MALT1: variants seen among roughly 807,000 people sequenced by gnomAD.
MALT1 encodes mucosa-associated lymphoid tissue lymphoma translocation protein 1.
A neutral mutation model predicts 85.5 loss-of-function variants in MALT1; 36 were observed. That is an observed-to-expected ratio of 0.42 (90% CI 0.32 to 0.56). MALT1 has a LOEUF of 0.56. Among genes scored for constraint, MALT1 ranks in the 20% least tolerant of loss-of-function variants. The probability of loss-of-function intolerance (pLI) is 0.10; values close to 1 mark genes in which losing one functional copy is unlikely to be tolerated. For missense variants in MALT1, 716 were observed against 981.6 expected (o/e 0.73, Z 3.62); for synonymous variants, 359 against 361.3 (o/e 0.99, Z 0.07).
At chr18:58,704,414 T>G (rs1484813353) in intron 4 of MALT1, among the ~76,000 whole-genome samples, 3 of 152,214 alleles carry the variant, frequency 2.0e-5, no homozygotes, top group Non-Finnish European at 2.9e-5. Context: ...CCTCTTTGTC[T>G]TGAAGTTTAC....
At chr18:58,678,684 A>C (rs2054276296) in intron 1 of MALT1, among the ~76,000 whole-genome samples, 1 of 152,232 alleles carries the variant, frequency 6.6e-6, no homozygotes, top group South Asian at 2.1e-4. Flanking sequence ...ATGATCTAAG[A>C]CTGGTTTTTG....
chr18:58,727,936 A>G (rs1037901349), intron 10 of MALT1, among the ~76,000 whole-genome samples: 13 of 152,162 alleles, frequency 8.5e-5, no homozygotes, highest in Non-Finnish European at 1.3e-4. Flanking sequence ...GTGTGAGGCA[A>G]TGTAACTAGT....
At chr18:58,746,859 C>T (rs1008312216) in intron 16 of MALT1, among the ~76,000 whole-genome samples, 1 of 152,022 alleles carries the variant, frequency 6.6e-6, no homozygotes, top group Non-Finnish European at 1.5e-5. Context: ...TCCCGAGTAG[C>T]CAGGACTACA....
rs565561756 is a variant in MALT1 at position 58,726,402 on chromosome 18, A to G, written c.1222+3151A>G. On this transcript the variant is annotated intron_variant, in intron 10 of 16. Transcript: ENST00000649217. ...AAACCTTTAGTTTTTCTTTTGGACT[A>G]TGCCTTTACCGCTAGTTGATATTAC... Among the ~76,000 whole-genome samples the G allele has an allele frequency of 4.7e-4, 72 of 152,262 alleles. No individual in the cohort carries two copies. In the South Asian group the frequency reaches 5.6e-3, roughly 12 times the overall value.
At chr18:58,679,057 G>GT (rs773866624) in intron 1 of MALT1, among the ~76,000 whole-genome samples, 10 of 152,250 alleles carry the variant, frequency 6.6e-5, no homozygotes, top group South Asian at 2.1e-4. Context: ...TGATTGCTCG[G>GT]TTTTTTCTTG....
chr18:58,705,322 G>GTGTGTGTA (rs1555685559), intron 4 of MALT1, among the ~76,000 whole-genome samples: 6,285 of 148,016 alleles, frequency 0.042, 443 homozygotes, highest in African/African-American at 0.15. Flanking sequence ...GTGTGTGTGT[G>GTGTGTGTA]TATTTATTTT....
intron 10 of MALT1, among the ~76,000 whole-genome samples, chr18:58,726,629 A>T (rs1425477874): frequency 6.6e-6 from 1 of 152,254 alleles, no homozygotes; most frequent in African/African-American, 2.4e-5. Flanking sequence ...AACATAAAAA[A>T]CAGAAACCAA....
intron 10 of MALT1, among the ~76,000 whole-genome samples, chr18:58,727,275 GGGTTTTTTTTTTGGTTTT>G (rs1451999768): frequency 4.2e-3 from 77 of 18,284 alleles, no homozygotes; most frequent in Non-Finnish European, 5.4e-3. Flanking sequence ...AAGGTTTTTT[GGGTTTTTTTTTTGGTTTT>G]GGGTTTTTGT....
At chr18:58,744,231 A>G in intron 14 of MALT1, 107 bp from the exon 15 acceptor site, 1 of 682,386 alleles carries the variant, frequency 1.5e-6, no homozygotes, top group Non-Finnish European at 2.4e-6. Context: ...TAAACAATGT[A>G]AATCATGTTT....
At chr18:58,692,707 G>A (rs989089455) in intron 2 of MALT1, among the ~76,000 whole-genome samples, 3 of 152,286 alleles carry the variant, frequency 2.0e-5, no homozygotes, top group Middle Eastern at 6.8e-3. Flanking sequence ...AGCTAGAATT[G>A]ATTTTACTTA....
intron 4 of MALT1, among the ~76,000 whole-genome samples, chr18:58,708,627 G>C (rs1187945513): frequency 1.3e-5 from 2 of 152,206 alleles, no homozygotes; most frequent in Admixed American, 6.5e-5. Flanking sequence ...CCCCGGTAAG[G>C]TGTCCATGTG....
intron 2 of MALT1, among the ~76,000 whole-genome samples, chr18:58,694,217 T>C (rs2054554753): frequency 6.6e-6 from 1 of 152,218 alleles, no homozygotes; most frequent in South Asian, 2.1e-4. Flanking sequence ...TTACTAAAGA[T>C]TTTCTAGGGC....
intron 11 of MALT1, 174 bp downstream of exon 11, chr18:58,733,748 T>G: frequency 1.4e-6 from 1 of 740,666 alleles, no homozygotes; most frequent in Non-Finnish European, 2.1e-6. Context: ...TATCTAATTA[T>G]TTTAACTCTT....
chr18:58,699,922 A>T (rs2054647489), intron 3 of MALT1, among the ~76,000 whole-genome samples: 1 of 152,172 alleles, frequency 6.6e-6, no homozygotes, highest in African/African-American at 2.4e-5. Flanking sequence ...AGGAGATTGG[A>T]TATTGTTTGG....
intron 12 of MALT1, 33 bp from the exon 13 acceptor site, chr18:58,735,169 G>T (rs1195423900): frequency 6.3e-7 from 1 of 1,585,020 alleles, no homozygotes; most frequent in African/African-American, 1.4e-5. Context: ...TTGCCTTTCT[G>T]TGCCTGGCTT....
At chr18:58,741,317 T>C (rs1382184058) in intron 13 of MALT1, 1 of 152,196 alleles carries the variant, frequency 6.6e-6, no homozygotes, top group Non-Finnish European at 1.5e-5. Flanking sequence ...AAAAAAATTG[T>C]ATTTATATCT....
chr18:58,735,055 C>T (rs1301002357), intron 12 of MALT1, 147 bp from the exon 13 acceptor site: 25 of 501,482 alleles, frequency 5.0e-5, no homozygotes, highest in Non-Finnish European at 3.5e-5. Context: ...ACAGTCCCCA[C>T]GCTGTCCCCA....
rs541522730 is a variant in MALT1 at position 58,697,819 on chromosome 18, AG to A, written c.498+1333del. Among the ~76,000 whole-genome samples, 472 of 152,302 alleles carry A rather than the reference AG, an allele frequency of 3.1e-3. 4 individuals are homozygous for A. Among genetic ancestry groups the A allele is most frequent in the Non-Finnish European group, 5.5e-3 (371 of 68,014 alleles). On this transcript the variant is annotated intron_variant, in intron 3 of 16. Transcript: ENST00000649217. Reference sequence around the variant, plus strand: ...ATGTTTACTTAACAAGTGCTTGTTGAGCACCTGTTTTGTGCCGGGCCATGTT... The same window carrying A: ...ATGTTTACTTAACAAGTGCTTGTTGACACCTGTTTTGTGCCGGGCCATGTT...
chr18:58,682,080 G>A (rs1028108700), intron 2 of MALT1, among the ~76,000 whole-genome samples: 1 of 152,162 alleles, frequency 6.6e-6, no homozygotes, highest in Admixed American at 6.5e-5. Context: ...AAGCAAAGAG[G>A]CTGGTTGAGC....
Sources: gnomAD v4.1 joint callset for allele counts (sites outside exome capture counted in the v4.1 genomes callset) on GRCh38, gnomAD v4.1.1 for gene constraint, MANE v1.5 for transcripts, NCBI Gene and HGNC (gene_info 2026-07-23, HGNC 2026-07-21) for gene names.